KCNQ1OT1: variants seen among roughly 807,000 people sequenced by gnomAD.
The protein encoded by KCNQ1OT1 is KCNQ1 opposite strand/antisense transcript 1, also known as KCNQ1 antisense RNA 2 (non-protein coding).
exon 1 of KCNQ1OT1, chr11:2,636,349 G>A (rs1287703100): frequency 6.6e-6 from 1 of 151,688 alleles, no homozygotes; most frequent in African/African-American, 2.4e-5. Context: ...ATTATTTTGA[G>A]ATACATCCCA....
In KCNQ1OT1 at chr11:2,671,791, G is replaced by T. The variant is rs1406739338; in HGVS notation, n.28204C>A. 16 of 398,690 alleles carry T rather than the reference G, an allele frequency of 4.0e-5. No homozygotes were observed. The highest frequency in any genetic ancestry group is 8.8e-5 in the Admixed American group (2 of 22,732). The allele number at this position is 398,690 out of a possible 1,614,324, so 24.7% of individuals were successfully genotyped here. On this transcript the variant is annotated non_coding_transcript_exon_variant, in exon 1 of 1. Coordinates refer to ENST00000597346, the Ensembl canonical transcript of KCNQ1OT1. The surrounding 1 kb of genome is among the most constrained non-coding windows in gnomAD (Gnocchi z 4.7). ...CACATAATCATTCTGACCCAGTCAG[G>T]GTTCTTCCCCCAAATAAATCCCTGC...
rs906349058 is a variant in KCNQ1OT1 at position 2,628,546 on chromosome 11, C to T, written n.71449G>A. The T allele has an allele frequency of 7.5e-6, 3 of 398,276 alleles. No homozygotes were observed. The Admixed American group carries it at 1.3e-4, about 18-fold the overall frequency. The allele number at this position is 398,276 out of a possible 1,614,324, so 24.7% of individuals were successfully genotyped here. On this transcript the variant is annotated non_coding_transcript_exon_variant, in exon 1 of 1. Coordinates refer to ENST00000597346, the Ensembl canonical transcript of KCNQ1OT1. The stretch of plus-strand genomic sequence containing the variant: ...CCTTATATATATTGGATATTAATAG[C>T]TTATCAGATATATGGTTGGAAATAT...
Position 2,642,885 on chromosome 11 carries a change from A to C in KCNQ1OT1, n.57110T>G, listed in dbSNP as rs949578677. On this transcript the variant is annotated non_coding_transcript_exon_variant, in exon 1 of 1. Coordinates refer to ENST00000597346, the Ensembl canonical transcript of KCNQ1OT1. The surrounding 1 kb of genome is among the most constrained non-coding windows in gnomAD (Gnocchi z 4.3). ...GCTTCTATTTTCACTTGTTTCAGTAAATTTTTTATTTCTGCCTTAATTTCT... is the reference window on the plus strand; with the variant it reads ...GCTTCTATTTTCACTTGTTTCAGTACATTTTTTATTTCTGCCTTAATTTCT... 5.0e-6 allele frequency: 2 copies of C among 397,668 alleles called. No individual in the cohort carries two copies. Among genetic ancestry groups the C allele is most frequent in the Admixed American group, 8.8e-5 (2 of 22,692 alleles). 24.6% of individuals were successfully genotyped at this position (397,668 alleles called of 1,614,324 possible). A position where few individuals can be genotyped will look rare whatever the true frequency, so the allele number is the denominator to read the frequency against.
exon 1 of KCNQ1OT1, chr11:2,634,179 T>C (rs1361684988): frequency 2.5e-6 from 1 of 397,708 alleles, no homozygotes; most frequent in African/African-American, 2.1e-5. Context: ...TCTCCCTTTT[T>C]TTTATTATAC....
At chr11:2,696,070 T>C in exon 1 of KCNQ1OT1, 1 of 398,644 alleles carries the variant, frequency 2.5e-6, no homozygotes, top group Non-Finnish European at 4.4e-6. Flanking sequence ...GTCTTGACCC[T>C]TGCCATGATG....
Position 2,677,794 on chromosome 11 carries a change from G to A in KCNQ1OT1, n.22201C>T. The A allele has an allele frequency of 2.5e-6, 1 of 398,404 alleles. No individual in the cohort carries two copies. The highest frequency in any genetic ancestry group is 4.4e-6 in the Non-Finnish European group (1 of 226,018). 24.7% of individuals were successfully genotyped at this position (398,404 alleles called of 1,614,324 possible). On this transcript the variant is annotated non_coding_transcript_exon_variant, in exon 1 of 1. Coordinates refer to ENST00000597346, the Ensembl canonical transcript of KCNQ1OT1. This position sits in a 1 kb window ranked among gnomAD's most constrained non-coding sequence, Gnocchi z 4.5. ...CCTCCCTTTCCCCCCATTTCCAGCA[G>A]GATTAAAATGTTCATTTATGTTGTG...
rs1162795194 is a variant in KCNQ1OT1, at chr11:2,677,320, G to A, written n.22675C>T. 2.5e-6 allele frequency: 1 copy of A among 398,460 alleles called. No homozygotes were observed. The highest frequency in any genetic ancestry group is 4.4e-6 in the Non-Finnish European group (1 of 226,064). The allele number at this position is 398,460 out of a possible 1,614,324, so 24.7% of individuals were successfully genotyped here. On this transcript the variant is annotated non_coding_transcript_exon_variant, in exon 1 of 1. Transcript: ENST00000597346. This position sits in a 1 kb window ranked among gnomAD's most constrained non-coding sequence, Gnocchi z 4.5. ...ATTTCATCAAGTTAAAGAAAATGATGTCAAATGATTTCTCAAATAGAGACT... is the reference window on the plus strand; with the variant it reads ...ATTTCATCAAGTTAAAGAAAATGATATCAAATGATTTCTCAAATAGAGACT...
Position 2,611,762 on chromosome 11 carries a change from A to G in KCNQ1OT1, n.88233T>C, listed in dbSNP as rs771752183. ...TCTACCATGTTGTTATTTATTTTCTATATGTCTCATATCACTTTTGTTCCT... is the reference window on the plus strand; with the variant it reads ...TCTACCATGTTGTTATTTATTTTCTGTATGTCTCATATCACTTTTGTTCCT... On this transcript the variant is annotated non_coding_transcript_exon_variant, in exon 1 of 1. Coordinates refer to ENST00000597346, the Ensembl canonical transcript of KCNQ1OT1. This position sits in a 1 kb window ranked among gnomAD's most constrained non-coding sequence, Gnocchi z 5.3. 4.3e-5 allele frequency: 17 copies of G among 398,290 alleles called. No homozygotes were observed. The highest frequency in any genetic ancestry group is 6.2e-5 in the Non-Finnish European group (14 of 226,004). 24.7% of individuals were successfully genotyped at this position (398,290 alleles called of 1,614,324 possible).
exon 1 of KCNQ1OT1, chr11:2,633,994 C>G: frequency 2.5e-6 from 1 of 398,588 alleles, no homozygotes; most frequent in Non-Finnish European, 4.4e-6. Flanking sequence ...GAAGAGTCGA[C>G]TGTATTTTGA....
chr11:2,613,903 A>C lies in KCNQ1OT1; in HGVS notation n.86092T>G. On this transcript the variant is annotated non_coding_transcript_exon_variant, in exon 1 of 1. Coordinates refer to ENST00000597346, the Ensembl canonical transcript of KCNQ1OT1. This position sits in a 1 kb window ranked among gnomAD's most constrained non-coding sequence, Gnocchi z 4.8. ...ATGATTATTTTCTCATTTCCCAAAA[A>C]AGTACTATTCTGTATATGCCCTTTT... The C allele has an allele frequency of 2.5e-6, 1 of 398,550 alleles. No homozygotes were observed. Among genetic ancestry groups the C allele is most frequent in the South Asian group, 1.3e-4 (1 of 7,864 alleles). 24.7% of individuals were successfully genotyped at this position (398,550 alleles called of 1,614,324 possible).
At position 2,653,841 on chromosome 11, in the gene KCNQ1OT1, C is replaced by T. The variant is rs1014326091; in HGVS notation, n.46154G>A. 2.5e-6 allele frequency: 1 copy of T among 398,626 alleles called. No individual in the cohort carries two copies. The highest frequency in any genetic ancestry group is 4.4e-6 in the Non-Finnish European group (1 of 226,084). The allele number at this position is 398,626 out of a possible 1,614,324, so 24.7% of individuals were successfully genotyped here. On this transcript the variant is annotated non_coding_transcript_exon_variant, in exon 1 of 1. Transcript: ENST00000597346. The surrounding 1 kb of genome is among the most constrained non-coding windows in gnomAD (Gnocchi z 5.3). The stretch of plus-strand genomic sequence containing the variant: ...CCACAGGGACCCCTTTGGGGATGGC[C>T]AGAGGGTACCTAAACACTGCACACT...
chr11:2,664,532 G>A lies in KCNQ1OT1; in HGVS notation n.35463C>T, dbSNP rs940216352. The A allele has an allele frequency of 1.0e-4, 40 of 398,638 alleles. No individual in the cohort carries two copies. Among genetic ancestry groups the A allele is most frequent in the East Asian group, 7.8e-4 (22 of 28,084 alleles). The allele number at this position is 398,638 out of a possible 1,614,324, so 24.7% of individuals were successfully genotyped here. ...ACCCTGTTTCCTCAGGGCCCAAACC[G>A]CCTGGCGGCAGGGGTGTGGGGGCCG... On this transcript the variant is annotated non_coding_transcript_exon_variant, in exon 1 of 1. Transcript: ENST00000597346. The surrounding 1 kb of genome is among the most constrained non-coding windows in gnomAD (Gnocchi z 5.1).
In KCNQ1OT1 at chr11:2,698,926, G is replaced by C. The variant is rs1439744302; in HGVS notation, n.1069C>G. ...ACTCCCAGCCAGGATGTGGACCCTA[G>C]ACCCGAATTCTGATCCCAACTAGGA... On this transcript the variant is annotated non_coding_transcript_exon_variant, in exon 1 of 1. Transcript: ENST00000597346. The surrounding 1 kb of genome is among the most constrained non-coding windows in gnomAD (Gnocchi z 5.1). 2.5e-6 allele frequency: 1 copy of C among 398,512 alleles called. No homozygotes were observed. Among genetic ancestry groups the C allele is most frequent in the African/African-American group, 2.1e-5 (1 of 48,596 alleles). The allele number at this position is 398,512 out of a possible 1,614,324, so 24.7% of individuals were successfully genotyped here.
In KCNQ1OT1 at chr11:2,626,639, C is replaced by G. The variant is rs1849266873; in HGVS notation, n.73356G>C. 2.5e-6 allele frequency: 1 copy of G among 398,512 alleles called. No individual in the cohort carries two copies. The highest frequency in any genetic ancestry group is 2.1e-5 in the African/African-American group (1 of 48,608). The allele number at this position is 398,512 out of a possible 1,614,324, so 24.7% of individuals were successfully genotyped here. Reference sequence around the variant, plus strand: ...AATCTCCCAGGCTCAAGCAATCCTCCCACCTCGGCTTCTTGAGTAGCTGGG... The same window carrying G: ...AATCTCCCAGGCTCAAGCAATCCTCGCACCTCGGCTTCTTGAGTAGCTGGG... On this transcript the variant is annotated non_coding_transcript_exon_variant, in exon 1 of 1. Transcript: ENST00000597346. The surrounding 1 kb of genome is among the most constrained non-coding windows in gnomAD (Gnocchi z 4.0).
At chr11:2,672,376 T>C (rs908273142) in exon 1 of KCNQ1OT1, 1 of 346,662 alleles carries the variant, frequency 2.9e-6, no homozygotes, top group East Asian at 3.8e-5. Flanking sequence ...CAGGCTGATA[T>C]GATTGAGCTC....
At chr11:2,629,478 C>T (rs1446550171) in exon 1 of KCNQ1OT1, 4 of 398,306 alleles carry the variant, frequency 1.0e-5, no homozygotes, top group Non-Finnish European at 1.3e-5. Context: ...ACATTTAGGT[C>T]TGTGGTCCAC....
At position 2,627,443 on chromosome 11, in the gene KCNQ1OT1, A is replaced by G. The variant is rs1778312332; in HGVS notation, n.72552T>C. 2.5e-6 allele frequency: 1 copy of G among 398,492 alleles called. No individual in the cohort carries two copies. The highest frequency in any genetic ancestry group is 4.4e-6 in the Non-Finnish European group (1 of 226,030). 24.7% of individuals were successfully genotyped at this position (398,492 alleles called of 1,614,324 possible). On this transcript the variant is annotated non_coding_transcript_exon_variant, in exon 1 of 1. Transcript: ENST00000597346. The surrounding 1 kb of genome is among the most constrained non-coding windows in gnomAD (Gnocchi z 4.9). ...GATAACTCTATGTTTGTACCCTTCAACATTTCCTATTTCCCCTACTCCCTG... is the reference window on the plus strand; with the variant it reads ...GATAACTCTATGTTTGTACCCTTCAGCATTTCCTATTTCCCCTACTCCCTG...
At position 2,670,749 on chromosome 11, in the gene KCNQ1OT1, C is replaced by A. The variant is rs1479223307; in HGVS notation, n.29246G>T. 1.0e-5 allele frequency: 4 copies of A among 398,518 alleles called. No individual in the cohort carries two copies. The highest frequency in any genetic ancestry group is 1.8e-5 in the Non-Finnish European group (4 of 226,120). The allele number at this position is 398,518 out of a possible 1,614,324, so 24.7% of individuals were successfully genotyped here. A position where few individuals can be genotyped will look rare whatever the true frequency, so the allele number is the denominator to read the frequency against. ...ACAGTCTGCAGATATTATCTGGGCA[C>A]TGGCCAGTGGCTCTTGTGGCTGCCC... On this transcript the variant is annotated non_coding_transcript_exon_variant, in exon 1 of 1. Coordinates refer to ENST00000597346, the Ensembl canonical transcript of KCNQ1OT1. This position sits in a 1 kb window ranked among gnomAD's most constrained non-coding sequence, Gnocchi z 4.9.
rs1849948253 is a variant in KCNQ1OT1, at chr11:2,661,085, G to A, written n.38910C>T. 2.5e-6 allele frequency: 1 copy of A among 398,348 alleles called. No homozygotes were observed. Among genetic ancestry groups the A allele is most frequent in the African/African-American group, 2.1e-5 (1 of 48,586 alleles). The allele number at this position is 398,348 out of a possible 1,614,324, so 24.7% of individuals were successfully genotyped here. On this transcript the variant is annotated non_coding_transcript_exon_variant, in exon 1 of 1. Transcript: ENST00000597346. This position sits in a 1 kb window ranked among gnomAD's most constrained non-coding sequence, Gnocchi z 5.9. The stretch of plus-strand genomic sequence containing the variant: ...ACAGAGTCACAGTGACATCCCATGT[G>A]CATAAAAGCAACTCCCACCTGGCAT...
Sources: gnomAD v4.1 joint callset for allele counts on GRCh38, gnomAD v4.1.1 for gene constraint, Gnocchi (gnomAD v3.1) non-coding constraint, MANE v1.5 for transcripts, NCBI Gene and HGNC (gene_info 2026-07-23, HGNC 2026-07-21) for gene names.